LRP1B: variants seen among roughly 807,000 people sequenced by gnomAD.
The protein encoded by LRP1B is low-density lipoprotein receptor-related protein 1B.
A neutral mutation model predicts 556.6 loss-of-function variants in LRP1B; 217 were observed. That is an observed-to-expected ratio of 0.39 (90% CI 0.35 to 0.44). The LOEUF is 0.44. Ranked by LOEUF, LRP1B falls within the 20% of genes least tolerant of loss-of-function variation. LRP1B has a pLI of 1.00. For missense variants in LRP1B, 5,053 were observed against 5,620.8 expected (o/e 0.90, Z 3.23); for synonymous variants, 2,047 against 1,865.8 (o/e 1.10, Z -2.50).
chr2:141,488,005 A>C (rs1156496520), intron 2 of LRP1B, among the ~76,000 whole-genome samples: 1 of 152,202 alleles, frequency 6.6e-6, no homozygotes, highest in Non-Finnish European at 1.5e-5. Context: ...GTTGGGACAC[A>C]CTAGGCAAAG....
intron 1 of LRP1B, among the ~76,000 whole-genome samples, chr2:141,994,992 C>G (rs1237104394): frequency 5.3e-5 from 8 of 152,034 alleles, no homozygotes; most frequent in Non-Finnish European, 1.0e-4. Flanking sequence ...GTCACATATC[C>G]CATTTGTAAC....
chr2:140,500,568 C>T (rs1689140051), intron 55 of LRP1B, among the ~76,000 whole-genome samples: 2 of 151,876 alleles, frequency 1.3e-5, no homozygotes, highest in African/African-American at 4.8e-5. Flanking sequence ...GAAACTTCTG[C>T]CTTGTATTGA....
intron 2 of LRP1B, among the ~76,000 whole-genome samples, chr2:141,580,528 C>T (rs923658827): frequency 2.0e-5 from 3 of 152,082 alleles, no homozygotes; most frequent in Admixed American, 6.6e-5. Flanking sequence ...AAGCATAATG[C>T]TCCAAATATG....
intron 3 of LRP1B, among the ~76,000 whole-genome samples, chr2:141,382,359 A>G (rs1289415367): frequency 6.6e-6 from 1 of 152,244 alleles, no homozygotes; most frequent in East Asian, 1.9e-4. Context: ...AGATACTGAA[A>G]GGACTCAGTC....
intron 52 of LRP1B, among the ~76,000 whole-genome samples, 188 bp from the exon 53 acceptor site, chr2:140,507,106 GAATATA>G (rs1689452454): frequency 6.6e-6 from 1 of 152,056 alleles, no homozygotes; most frequent in Non-Finnish European, 1.5e-5. Context: ...TAGAATGTCT[GAATATA>G]AATACACATA....
intron 25 of LRP1B, among the ~76,000 whole-genome samples, chr2:140,868,607 C>T (rs1693026625): frequency 6.6e-6 from 1 of 151,850 alleles, no homozygotes; most frequent in Non-Finnish European, 1.5e-5. Context: ...AAGAGCATGG[C>T]AAGTAGAATA....
chr2:141,844,549 G>C (rs917105717), intron 1 of LRP1B, among the ~76,000 whole-genome samples: 7 of 152,012 alleles, frequency 4.6e-5, no homozygotes, highest in African/African-American at 1.7e-4. Context: ...TGGTAAATAG[G>C]CAACACGCAT....
At chr2:140,316,417 G>A (rs976752687) in intron 82 of LRP1B, among the ~76,000 whole-genome samples, 2 of 152,108 alleles carry the variant, frequency 1.3e-5, no homozygotes, top group Admixed American at 1.3e-4. Flanking sequence ...CATGTCCACT[G>A]TCATAAATAG....
rs2105171632 is a variant in LRP1B at position 140,373,094 on chromosome 2, G to C, written c.10682C>G (p.Ser3561Cys). 6.2e-7 allele frequency: 1 copy of C among 1,613,072 alleles called. No homozygotes were observed. The highest frequency in any genetic ancestry group is 8.5e-7 in the Non-Finnish European group (1 of 1,179,428). The change falls in exon 69 of 91, where the codon TCC becomes TGC. Residue 3561 changes from serine to cysteine, a missense_variant. Physicochemically the swap from Ser to Cys is moderately radical, Grantham distance 112. Transcript: ENST00000389484. ...TSCSKDQFRC[S>C]NGQCIPAKWK... ...TTTTGCTGGTATACACTGACCATTG[G>C]AACACCGGAACTGATCTTTGGAACA...
intron 2 of LRP1B, among the ~76,000 whole-genome samples, chr2:141,537,027 T>C (rs1685091357): frequency 6.6e-6 from 1 of 151,336 alleles, no homozygotes; most frequent in Admixed American, 6.6e-5. Flanking sequence ...AAAAAAAAAA[T>C]CCCTGCTTTT....
rs140581877 is a variant in LRP1B, at chr2:141,880,400, T to C, written c.83-69999A>G. Among the ~76,000 whole-genome samples the C allele has an allele frequency of 4.9e-3, 749 of 152,138 alleles. 9 individuals are homozygous for C. The highest frequency in any genetic ancestry group is 0.027 in the Middle Eastern group (8 of 294). On this transcript the variant is annotated intron_variant, in intron 1 of 90. Transcript: ENST00000389484. ...AATAATATGTGAAATTATAAATATG[T>C]GATACATATGTGAACCAGTAAATGA... is the stretch of plus-strand genomic sequence containing the variant.
chr2:142,038,573 G>A (rs1703964228), intron 1 of LRP1B, among the ~76,000 whole-genome samples: 1 of 151,500 alleles, frequency 6.6e-6, no homozygotes, highest in African/African-American at 2.4e-5. Context: ...TGATAAAACA[G>A]GTAAGTTTCA....
chr2:140,930,216 G>A (rs1695010966), intron 20 of LRP1B, among the ~76,000 whole-genome samples: 1 of 152,056 alleles, frequency 6.6e-6, no homozygotes, highest in African/African-American at 2.4e-5. Context: ...CTGTTTTGCT[G>A]TTATGTTTTC....
intron 41 of LRP1B, among the ~76,000 whole-genome samples, chr2:140,681,949 G>A (rs901079905): frequency 6.6e-6 from 1 of 152,170 alleles, no homozygotes; most frequent in Non-Finnish European, 1.5e-5. Flanking sequence ...ATGAATGGGA[G>A]AAACAAGAAA....
At chr2:141,485,061 AAT>A (rs1276716092) in intron 2 of LRP1B, among the ~76,000 whole-genome samples, 1 of 152,130 alleles carries the variant, frequency 6.6e-6, no homozygotes, top group African/African-American at 2.4e-5. Flanking sequence ...AAAACAGAAA[AAT>A]ATGTGTTTAT....
chr2:140,387,934 C>CTTT (rs536602296), intron 66 of LRP1B, among the ~76,000 whole-genome samples: 1 of 138,398 alleles, frequency 7.2e-6, no homozygotes, highest in Non-Finnish European at 1.6e-5. Flanking sequence ...CTTGTACTTT[C>CTTT]TTTTTTTTTT....
At chr2:140,370,682 C>A in intron 71 of LRP1B, 28 bp downstream of exon 71, 1 of 1,609,592 alleles carries the variant, frequency 6.2e-7, no homozygotes, top group South Asian at 1.1e-5. Flanking sequence ...CTCTCATTTA[C>A]AGGCACACAC....
At chr2:140,233,972 G>T (rs1462364649) in intron 90 of LRP1B, among the ~76,000 whole-genome samples, 1 of 151,230 alleles carries the variant, frequency 6.6e-6, no homozygotes, top group Non-Finnish European at 1.5e-5. Flanking sequence ...TGCAGCAGCT[G>T]ACCTCTTTGA....
intron 1 of LRP1B, among the ~76,000 whole-genome samples, chr2:142,043,431 A>C (rs187025542): frequency 1.5e-3 from 223 of 151,722 alleles, no homozygotes; most frequent in African/African-American, 4.8e-3. Flanking sequence ...GTGACATTTC[A>C]TTTTACACAG....
Sources: allele counts gnomAD v4.1 joint callset (sites outside exome capture counted in the v4.1 genomes callset), GRCh38; gene constraint gnomAD v4.1.1; transcripts MANE v1.5; gene names NCBI Gene and HGNC (gene_info 2026-07-23, HGNC 2026-07-21).